Variants in MACROD2 observed in about 807,000 individuals in gnomAD.
MACROD2 encodes mono-ADP ribosylhydrolase 2.
Under a neutral mutation model 70.4 loss-of-function variants are expected in MACROD2, and 36 were observed. That is an observed-to-expected ratio of 0.51 (90% CI 0.39 to 0.68). The LOEUF (loss-of-function observed/expected upper bound fraction) is 0.68. MACROD2 is among the 30% of genes least tolerant of loss of function. The probability of loss-of-function intolerance (pLI) is 0.00; values close to 1 mark genes in which losing one functional copy is unlikely to be tolerated. For missense variants in MACROD2, 496 were observed against 538.4 expected (o/e 0.92, Z 0.78); for synonymous variants, 172 against 178.8 (o/e 0.96, Z 0.30).
At chr20:15,908,231 G>A (rs2065178805) in intron 10 of MACROD2, among the ~76,000 whole-genome samples, 1 of 152,166 alleles carries the variant, frequency 6.6e-6, no homozygotes, top group Admixed American at 6.6e-5. Flanking sequence ...GGAGAATGGG[G>A]GGAAAAGTAC....
intron 10 of MACROD2, among the ~76,000 whole-genome samples, chr20:15,890,902 G>C (rs776010369): frequency 1.3e-5 from 2 of 152,152 alleles, no homozygotes; most frequent in Non-Finnish European, 2.9e-5. Flanking sequence ...GGCTGGGGAA[G>C]TGAAAATAAA....
intron 4 of MACROD2, chr20:14,566,913 T>A (rs1237180250): frequency 6.6e-6 from 1 of 152,026 alleles, no homozygotes; most frequent in Non-Finnish European, 1.5e-5. Context: ...ACATAATCAG[T>A]TAAAAAGACA....
In MACROD2 at chr20:15,301,591, C is replaced by CTTTTTTTTTTTTTTTTTTTTTTTTTTT. The variant is rs71340214; in HGVS notation, c.540+71553_540+71554insTTTTTTTTTTTTTTTTTTTTTTTTTTT. 2.2e-4 allele frequency among the ~76,000 whole-genome samples: 18 copies of CTTTTTTTTTTTTTTTTTTTTTTTTTTT among 81,250 alleles called. 2 individuals are homozygous for CTTTTTTTTTTTTTTTTTTTTTTTTTTT. Among genetic ancestry groups the CTTTTTTTTTTTTTTTTTTTTTTTTTTT allele is most frequent in the Non-Finnish European group, 4.1e-4 (17 of 41,964 alleles). The allele number at this position is 81,250 out of a possible 152,430, so 53.3% of individuals were successfully genotyped here. ...GGAAGTTAGTAAGATGGTAGGTGGC[C>CTTTTTTTTTTTTTTTTTTTTTTTTTTT]TTTTTTTTTTTTTTTTTTTTTTTGT... On this transcript the variant is annotated intron_variant, in intron 6 of 17. Coordinates refer to ENST00000684519, the MANE Select transcript of MACROD2 (RefSeq NM_001351661.2).
intron 5 of MACROD2, among the ~76,000 whole-genome samples, chr20:15,069,485 A>C (rs932439659): frequency 6.6e-6 from 1 of 152,180 alleles, no homozygotes; most frequent in Non-Finnish European, 1.5e-5. Flanking sequence ...TCAGAACTCT[A>C]GGCTGCCCTT....
intron 5 of MACROD2, among the ~76,000 whole-genome samples, chr20:15,042,909 G>T (rs889099015): frequency 6.6e-6 from 1 of 152,186 alleles, no homozygotes; most frequent in Non-Finnish European, 1.5e-5. Flanking sequence ...TCCTTTTTGA[G>T]TCCTGATTCT....
chr20:15,963,892 A>G lies in MACROD2; in HGVS notation c.908-3661A>G, dbSNP rs577877873. Among the ~76,000 whole-genome samples the G allele has an allele frequency of 4.6e-5, 7 of 152,260 alleles. No homozygotes were observed. In the East Asian group the frequency reaches 1.3e-3, roughly 29 times the overall value. ...TTATTCTTGTTAATCTTAAAAGCAC[A>G]TCTATCTACAGCCCTTTGGCTTGAA... On this transcript the variant is annotated intron_variant, in intron 12 of 17. Transcript: ENST00000684519.
intron 5 of MACROD2, among the ~76,000 whole-genome samples, chr20:15,037,917 A>G (rs1175819460): frequency 6.7e-6 from 1 of 149,786 alleles, no homozygotes; most frequent in Non-Finnish European, 1.5e-5. Context: ...ATTTCAAAAT[A>G]GCCAGAAGAG....
intron 4 of MACROD2, among the ~76,000 whole-genome samples, chr20:14,537,856 TCCTC>T (rs1418825450): frequency 6.6e-6 from 1 of 152,150 alleles, no homozygotes; most frequent in Non-Finnish European, 1.5e-5. Flanking sequence ...TAGACAGTCT[TCCTC>T]AGGATACAGA....
chr20:15,148,805 GT>G (rs1238223677), intron 5 of MACROD2, among the ~76,000 whole-genome samples: 3 of 152,036 alleles, frequency 2.0e-5, no homozygotes, highest in African/African-American at 7.3e-5. Flanking sequence ...GCTGAGCTTG[GT>G]GAGGTGTGTT....
intron 8 of MACROD2, among the ~76,000 whole-genome samples, chr20:15,779,518 A>G (rs994234778): frequency 1.3e-5 from 2 of 152,148 alleles, no homozygotes; most frequent in Non-Finnish European, 2.9e-5. Flanking sequence ...GCAGCAGGAA[A>G]AGAGTTCTCT....
chr20:15,875,086 A>G (rs1000442445), intron 9 of MACROD2, among the ~76,000 whole-genome samples: 1 of 152,176 alleles, frequency 6.6e-6, no homozygotes, highest in Non-Finnish European at 1.5e-5. Context: ...AAAAGCGAGG[A>G]AACAGATTCT....
At chr20:14,727,834 A>G (rs561478643) in intron 5 of MACROD2, among the ~76,000 whole-genome samples, 3 of 152,236 alleles carry the variant, frequency 2.0e-5, no homozygotes, top group Admixed American at 2.0e-4. Context: ...ATATGGAAGA[A>G]TTTTCCAGTC....
chr20:14,363,723 A>G (rs2083245333), intron 3 of MACROD2, among the ~76,000 whole-genome samples: 1 of 147,758 alleles, frequency 6.8e-6, no homozygotes, highest in South Asian at 2.2e-4. Flanking sequence ...AGGCTGAGGC[A>G]GGAAAATGGC....
chr20:15,571,380 T>A (rs1212377936), intron 8 of MACROD2, among the ~76,000 whole-genome samples: 1 of 152,112 alleles, frequency 6.6e-6, no homozygotes, highest in East Asian at 1.9e-4. Context: ...TGTATCTCTG[T>A]AGATAGATGT....
rs866802118 is a variant in MACROD2, at chr20:14,272,972, A to C, written c.271+187244A>C. Among the ~76,000 whole-genome samples the C allele has an allele frequency of 5.6e-3, 856 of 151,880 alleles. 5 individuals carry two copies. Among genetic ancestry groups the C allele is most frequent in the Middle Eastern group, 0.017 (5 of 290 alleles). ...TCCTAAATATATATGCACCCAATAC[A>C]GGAGCACCCAGATTCATAAAGCAAG... On this transcript the variant is annotated intron_variant, in intron 3 of 17. Transcript: ENST00000684519.
intron 2 of MACROD2, among the ~76,000 whole-genome samples, chr20:14,013,535 G>A (rs1190927601): frequency 6.6e-6 from 1 of 152,074 alleles, no homozygotes; most frequent in Non-Finnish European, 1.5e-5. Flanking sequence ...GCCTCCCAAA[G>A]TGCTGGGATT....
chr20:15,002,271 C>T (rs2075001820), intron 5 of MACROD2, among the ~76,000 whole-genome samples: 1 of 152,108 alleles, frequency 6.6e-6, no homozygotes, highest in Admixed American at 6.6e-5. Flanking sequence ...TCCACACAAA[C>T]ATCTAGTATT....
chr20:15,043,065 G>C (rs2075367425), intron 5 of MACROD2, among the ~76,000 whole-genome samples: 1 of 152,118 alleles, frequency 6.6e-6, no homozygotes, highest in South Asian at 2.1e-4. Context: ...CTGCTTTGCT[G>C]TGTCCTTCAT....
intron 5 of MACROD2, among the ~76,000 whole-genome samples, chr20:14,704,637 TGG>T (rs902818505): frequency 3.3e-5 from 5 of 152,146 alleles, no homozygotes; most frequent in Admixed American, 6.5e-5. Flanking sequence ...TCTATAGCCT[TGG>T]AAGGTTCGTC....
Sources: allele counts gnomAD v4.1 joint callset (sites outside exome capture counted in the v4.1 genomes callset), GRCh38; gene constraint gnomAD v4.1.1; transcripts MANE v1.5; gene names NCBI Gene and HGNC (gene_info 2026-07-23, HGNC 2026-07-21).